Variants in ANK2 observed in about 807,000 individuals in gnomAD.
The protein encoded by ANK2 is ankyrin 2.
Under a neutral mutation model 360.5 loss-of-function variants are expected in ANK2, and 83 were observed. The observed-to-expected ratio is 0.23, with a 90% CI of 0.19 to 0.28. The LOEUF (loss-of-function observed/expected upper bound fraction) is 0.28. ANK2 is among the 10% of genes least tolerant of loss of function. The pLI is 1.00. For missense variants in ANK2, 4,201 were observed against 4,795.7 expected, an observed-to-expected ratio of 0.88 and a Z score of 3.66; for synonymous variants, 1,740 against 1,759.5, an observed-to-expected ratio of 0.99 and a Z score of 0.28.
At chr4:113,216,717 A>C (rs1310144209) in intron 4 of ANK2, among the ~76,000 whole-genome samples, 2 of 152,128 alleles carry the variant, frequency 1.3e-5, no homozygotes, top group African/African-American at 2.4e-5. Context: ...TTTTTGTTTA[A>C]AATCTGGCTC....
At chr4:112,940,631 A>G (rs1462994802) in intron 2 of ANK2, among the ~76,000 whole-genome samples, 1 of 152,184 alleles carries the variant, frequency 6.6e-6, no homozygotes, top group Non-Finnish European at 1.5e-5. Flanking sequence ...ATGCTGTTGA[A>G]TAACTGCTGT....
chr4:113,110,659 A>C (rs1372095300), intron 1 of ANK2, among the ~76,000 whole-genome samples: 5 of 152,198 alleles, frequency 3.3e-5, no homozygotes, highest in African/African-American at 1.2e-4. Context: ...AGATGGTAGC[A>C]CTTCAATTCT....
At chr4:112,720,052 T>C in the ANK2 span, among the ~76,000 whole-genome samples, 1 of 152,212 alleles carries the variant, frequency 6.6e-6, no homozygotes, top group Admixed American at 6.6e-5. Context: ...TTCATGGTTT[T>C]CCTACCAGCG....
In ANK2 at chr4:112,957,425, T is replaced by G. The variant is rs1006036127; in HGVS notation, c.21+52911T>G. 9.0e-4 allele frequency among the ~76,000 whole-genome samples: 137 copies of G among 152,342 alleles called. 1 individual carries two copies. Among genetic ancestry groups the G allele is most frequent in the Non-Finnish European group, 1.3e-3 (89 of 68,036 alleles). On this transcript the variant is annotated intron_variant, in intron 2 of 30. Transcript: ENST00000503271. ...TCCCATGTCTACTTCTTTCTACACA[T>G]ACACAGCAACCATCCGATTTCTCAA...
chr4:112,972,277 T>A (rs2039803084), intron 2 of ANK2, among the ~76,000 whole-genome samples: 1 of 152,136 alleles, frequency 6.6e-6, no homozygotes, highest in African/African-American at 2.4e-5. Context: ...GCCACACCTA[T>A]CAACCAATCA....
chr4:113,371,314 A>G (rs2096730757), intron 43 of ANK2, among the ~76,000 whole-genome samples: 1 of 152,228 alleles, frequency 6.6e-6, no homozygotes, highest in Non-Finnish European at 1.5e-5. Context: ...TTCTTAAATA[A>G]TAAATTCATG....
intron 4 of ANK2, among the ~76,000 whole-genome samples, chr4:113,205,329 C>T (rs2153430469): frequency 6.8e-6 from 1 of 146,552 alleles, no homozygotes; most frequent in Non-Finnish European, 1.5e-5. Context: ...CTACATTCTT[C>T]TACTTGTTCT....
chr4:112,828,691 G>C (rs1441927005), intron 1 of ANK2, among the ~76,000 whole-genome samples: 1 of 152,144 alleles, frequency 6.6e-6, no homozygotes, highest in Non-Finnish European at 1.5e-5. Context: ...CCTAATTAAA[G>C]TAAATAACCT....
At chr4:113,320,803 A>C (rs1006255451) in intron 26 of ANK2, among the ~76,000 whole-genome samples, 1 of 152,210 alleles carries the variant, frequency 6.6e-6, no homozygotes, top group Non-Finnish European at 1.5e-5. Flanking sequence ...TTGCTTAATA[A>C]GGCTTTGGTT....
At chr4:113,143,750 A>C (rs1263407291) in intron 1 of ANK2, among the ~76,000 whole-genome samples, 1 of 152,192 alleles carries the variant, frequency 6.6e-6, no homozygotes, top group Non-Finnish European at 1.5e-5. Context: ...TAAGAACCTT[A>C]TAGAAGGAGA....
rs150372845 is a variant in ANK2 at position 113,354,634 on chromosome 4, C to T, written c.6016C>T (p.His2006Tyr). Reference sequence around the variant, plus strand: ...CCAGTCAGGTCAGGACCCTTCTAAACATAAAACTGGACTCTTTGAGCACAA... The same window carrying T: ...CCAGTCAGGTCAGGACCCTTCTAAATATAAAACTGGACTCTTTGAGCACAA... ...AFQSGQDPSK[H>Y]KTGLFEHKSA... The change falls in exon 38 of 46, where the codon CAT (histidine) becomes TAT (tyrosine). Residue 2006 changes from histidine (H) to tyrosine (Y), a missense_variant. His to Tyr is a moderately conservative substitution (Grantham distance 83, BLOSUM62 2). Coordinates refer to ENST00000357077, the MANE Select transcript of ANK2 (RefSeq NM_001148.6). 6.2e-7 allele frequency: 1 copy of T among 1,614,086 alleles called. No individual in the cohort carries two copies. Among genetic ancestry groups the T allele is most frequent in the East Asian group, 2.2e-5 (1 of 44,880 alleles).
intron 26 of ANK2, among the ~76,000 whole-genome samples, chr4:113,321,590 T>A (rs1379434238): frequency 6.6e-6 from 1 of 152,212 alleles, no homozygotes. Context: ...CATCATACCA[T>A]GTCATGTAGC....
chr4:112,906,858 A>G (rs1397598899), intron 2 of ANK2, among the ~76,000 whole-genome samples: 3 of 152,142 alleles, frequency 2.0e-5, no homozygotes, highest in Non-Finnish European at 4.4e-5. Context: ...AGTATCATCA[A>G]ACTCCTTAAA....
chr4:113,332,090 A>G lies in ANK2; in HGVS notation c.3224+20A>G. The G allele has an allele frequency of 3.8e-6, 6 of 1,582,250 alleles. No individual in the cohort carries two copies. The highest frequency in any genetic ancestry group is 5.2e-6 in the Non-Finnish European group (6 of 1,151,096). Reference sequence around the variant, plus strand: ...CCTTGGGTAGGAGTGACTTAAAACAAATTGATGGCTGCTGGCCCCCCATTC... The same window carrying G: ...CCTTGGGTAGGAGTGACTTAAAACAGATTGATGGCTGCTGGCCCCCCATTC... On this transcript the variant is annotated intron_variant, in intron 28 of 45. Transcript: ENST00000357077.
chr4:113,086,897 C>T (rs977624010), intron 1 of ANK2, among the ~76,000 whole-genome samples: 9 of 151,984 alleles, frequency 5.9e-5, no homozygotes, highest in Non-Finnish European at 1.2e-4. Context: ...AAGTCTGGAG[C>T]GTAGGGAGCA....
rs761385222 is a variant in ANK2 at position 113,357,915 on chromosome 4, C to T, written c.9297C>T (p.Asn3099=). The change falls in exon 38 of 46, where the codon AAC becomes AAT. Residue 3099 remains asparagine (N), a synonymous_variant. Coordinates refer to ENST00000357077, the MANE Select transcript of ANK2 (RefSeq NM_001148.6). ...AGGGGACCCCAACAAGTGAGCAAAA[C>T]CCATTTCTGTTTCAGGAAGGAAAAT... ...TEEGTPTSEQ[N]PFLFQEGKLF... 3 of 1,614,074 alleles carry T rather than the reference C, an allele frequency of 1.9e-6. No individual in the cohort carries two copies. Among genetic ancestry groups the T allele is most frequent in the Non-Finnish European group, 2.5e-6 (3 of 1,179,968 alleles).
chr4:112,788,067 A>G, the ANK2 span: 6 of 1,322,784 alleles, frequency 4.5e-6, no homozygotes, highest in Admixed American at 6.9e-5. Context: ...TGTACAGAAA[A>G]CTCAACAGTG....
chr4:113,269,821 T>G (rs1256834121), intron 14 of ANK2, among the ~76,000 whole-genome samples: 2 of 152,218 alleles, frequency 1.3e-5, no homozygotes, highest in Admixed American at 6.5e-5. Context: ...CTTAACATTC[T>G]TTGATTCAAT....
At position 112,920,400 on chromosome 4, in the gene ANK2, A is replaced by C. The variant is rs149073396; in HGVS notation, c.21+15886A>C. Among the ~76,000 whole-genome samples the C allele has an allele frequency of 2.4e-3, 362 of 152,292 alleles. 1 individual carries two copies. Among genetic ancestry groups the C allele is most frequent in the African/African-American group, 7.9e-3 (330 of 41,568 alleles). Reference sequence around the variant, plus strand: ...TATACTGCCTTCCTATAGCCAAATAAAGTGTGTTTTCTATCAAAAAACCAG... The same window carrying C: ...TATACTGCCTTCCTATAGCCAAATACAGTGTGTTTTCTATCAAAAAACCAG... On this transcript the variant is annotated intron_variant, in intron 2 of 30. Transcript: ENST00000503271.
Sources: gnomAD v4.1 joint callset for allele counts (sites outside exome capture counted in the v4.1 genomes callset) on GRCh38, gnomAD v4.1.1 for gene constraint, MANE v1.5 for transcripts, NCBI Gene and HGNC (gene_info 2026-07-23, HGNC 2026-07-21) for gene names.